Variants in ROBO2 observed in about 807,000 individuals in gnomAD.
The protein encoded by ROBO2 is roundabout guidance receptor 2, also known as roundabout homolog 2.
ROBO2 carries 53 observed loss-of-function variants against 160.8 expected under a neutral mutation model. That is an observed-to-expected ratio of 0.33 (90% CI 0.26 to 0.41). The LOEUF is 0.41. ROBO2 is among the 10% of genes least tolerant of loss of function. The probability of loss-of-function intolerance (pLI) is 1.00; values close to 1 mark genes in which losing one functional copy is unlikely to be tolerated. For synonymous variants in ROBO2, 664 were observed against 611.7 expected, an observed-to-expected ratio of 1.09 and a Z score of -1.26; for missense variants, 1,577 against 1,722.4, an observed-to-expected ratio of 0.92 and a Z score of 1.49.
chr3:76,055,161 C>T (rs1035890593), intron 2 of ROBO2, among the ~76,000 whole-genome samples: 2 of 152,060 alleles, frequency 1.3e-5, no homozygotes, highest in Non-Finnish European at 2.9e-5. Context: ...TCTCATGAGA[C>T]TTATTCAATA....
At chr3:75,999,272 C>G (rs1225634391) in intron 2 of ROBO2, among the ~76,000 whole-genome samples, 1 of 152,156 alleles carries the variant, frequency 6.6e-6, no homozygotes, top group Non-Finnish European at 1.5e-5. Flanking sequence ...ATTCTATTCA[C>G]AATAACAATT....
chr3:77,576,574 T>C (rs965483651), intron 14 of ROBO2, among the ~76,000 whole-genome samples: 2 of 152,166 alleles, frequency 1.3e-5, no homozygotes, highest in African/African-American at 4.8e-5. Context: ...TATTATTTCT[T>C]AGTTCTCAGG....
chr3:77,087,060 G>C (rs909570436), intron 1 of ROBO2, among the ~76,000 whole-genome samples: 2 of 151,988 alleles, frequency 1.3e-5, no homozygotes, highest in African/African-American at 4.8e-5. Context: ...TTGACACTGG[G>C]TCTTTTGGCA....
At chr3:76,829,203 C>T (rs1453298646) in intron 2 of ROBO2, among the ~76,000 whole-genome samples, 1 of 152,146 alleles carries the variant, frequency 6.6e-6, no homozygotes, top group African/African-American at 2.4e-5. Context: ...TCTTCCTCAC[C>T]TTTAATTGGC....
chr3:76,241,363 T>C (rs1705273156), intron 2 of ROBO2, among the ~76,000 whole-genome samples: 1 of 152,228 alleles, frequency 6.6e-6, no homozygotes, highest in Admixed American at 6.5e-5. Flanking sequence ...AATAAACATA[T>C]TCGCATTCAG....
chr3:76,628,417 A>G (rs1359283348), intron 2 of ROBO2, among the ~76,000 whole-genome samples: 1 of 144,680 alleles, frequency 6.9e-6, no homozygotes, highest in Non-Finnish European at 1.5e-5. Flanking sequence ...GTCACTCGCT[A>G]TCCACTAATT....
At chr3:77,316,789 C>T (rs546930296) in intron 2 of ROBO2, 3 of 1,274,374 alleles carry the variant, frequency 2.4e-6, no homozygotes, top group African/African-American at 1.5e-5. Context: ...AAGCTTGTGG[C>T]CACCAGCCTT....
chr3:75,912,981 T>C (rs1355910043), intron 1 of ROBO2, among the ~76,000 whole-genome samples: 1 of 152,174 alleles, frequency 6.6e-6, no homozygotes. Flanking sequence ...ATAACACATA[T>C]TTATTGTCTT....
chr3:77,286,661 C>G (rs962692335), intron 2 of ROBO2, among the ~76,000 whole-genome samples: 1 of 152,158 alleles, frequency 6.6e-6, no homozygotes, highest in Non-Finnish European at 1.5e-5. Context: ...TCTGAGAGCG[C>G]TTTTTGTTTT....
intron 1 of ROBO2, among the ~76,000 whole-genome samples, chr3:77,085,137 C>T (rs1418772051): frequency 6.6e-6 from 1 of 150,720 alleles, no homozygotes; most frequent in Non-Finnish European, 1.5e-5. Flanking sequence ...ACTAAAATAA[C>T]TCAAGTTTGC....
At chr3:77,431,319 G>A in intron 2 of ROBO2, among the ~76,000 whole-genome samples, 1 of 152,284 alleles carries the variant, frequency 6.6e-6, no homozygotes, top group South Asian at 2.1e-4. Flanking sequence ...TGATAAAGGG[G>A]TTATGATCAT....
chr3:76,290,586 C>G (rs1206767572), intron 2 of ROBO2, among the ~76,000 whole-genome samples: 1 of 152,084 alleles, frequency 6.6e-6, no homozygotes, highest in Middle Eastern at 3.2e-3. Context: ...AATGGACATT[C>G]TTTTCTTTTT....
chr3:77,305,899 T>C (rs1003005622), intron 2 of ROBO2, among the ~76,000 whole-genome samples: 1 of 152,288 alleles, frequency 6.6e-6, no homozygotes, highest in Non-Finnish European at 1.5e-5. Flanking sequence ...AATATGTATG[T>C]CTGTCTGTGC....
intron 2 of ROBO2, among the ~76,000 whole-genome samples, chr3:77,278,794 G>A (rs1399630516): frequency 3.3e-5 from 5 of 152,064 alleles, no homozygotes; most frequent in Admixed American, 6.6e-5. Flanking sequence ...CAGTTGTGGA[G>A]ATAGTAGCAA....
intron 2 of ROBO2, among the ~76,000 whole-genome samples, chr3:76,638,561 T>A (rs2090462486): frequency 6.6e-6 from 1 of 152,180 alleles, no homozygotes; most frequent in South Asian, 2.1e-4. Flanking sequence ...GTACATGAAT[T>A]CAGAATGTTT....
chr3:76,559,339 A>G (rs1330208097), intron 2 of ROBO2, among the ~76,000 whole-genome samples: 1 of 152,202 alleles, frequency 6.6e-6, no homozygotes, highest in African/African-American at 2.4e-5. Flanking sequence ...CTTTATAAAA[A>G]TAAATTATCT....
At chr3:76,789,980 A>G (rs1463106237) in intron 2 of ROBO2, among the ~76,000 whole-genome samples, 1 of 151,684 alleles carries the variant, frequency 6.6e-6, no homozygotes, top group Admixed American at 6.6e-5. Flanking sequence ...ATTTATCTCT[A>G]TATTTTACAT....
chr3:76,440,167 T>G (rs1256162388), intron 2 of ROBO2, among the ~76,000 whole-genome samples: 2 of 152,078 alleles, frequency 1.3e-5, no homozygotes, highest in African/African-American at 4.8e-5. Flanking sequence ...GAAATTCCAC[T>G]AAATAGCAAG....
intron 2 of ROBO2, among the ~76,000 whole-genome samples, chr3:76,693,294 T>G (rs2092850827): frequency 6.6e-6 from 1 of 150,576 alleles, no homozygotes; most frequent in Non-Finnish European, 1.5e-5. Context: ...TGTGTATCTA[T>G]ATGTAGTGTG....
Sources: allele counts gnomAD v4.1 joint callset (sites outside exome capture counted in the v4.1 genomes callset), GRCh38; gene constraint gnomAD v4.1.1; transcripts MANE v1.5; gene names NCBI Gene and HGNC (gene_info 2026-07-23, HGNC 2026-07-21).